TNFRSF8: variants seen among roughly 807,000 people sequenced by gnomAD.
The protein encoded by TNFRSF8 is tumor necrosis factor receptor superfamily member 8.
A neutral mutation model predicts 70.8 loss-of-function variants in TNFRSF8; 26 were observed. That is an observed-to-expected ratio of 0.37 (90% CI 0.27 to 0.51). The LOEUF is 0.51. TNFRSF8 is among the 20% of genes least tolerant of loss of function. TNFRSF8 has a pLI of 0.94. For synonymous variants in TNFRSF8, 356 were observed against 339.2 expected (o/e 1.05, Z -0.54); for missense variants, 720 against 807.9 (o/e 0.89, Z 1.32).
chr1:12,097,578 C>T (rs1570021234), intron 3 of TNFRSF8, among the ~76,000 whole-genome samples: 1 of 152,232 alleles, frequency 6.6e-6, no homozygotes, highest in South Asian at 2.1e-4. Context: ...TGGTAAGTGG[C>T]AGAACTGGAG....
In TNFRSF8 at chr1:12,138,342, G is replaced by A; in HGVS notation, c.1449G>A (p.Leu483=). Residue 483 remains leucine, a synonymous_variant, in exon 14 of 15, where the codon CTG becomes CTA. Coordinates refer to ENST00000263932, the MANE Select transcript of TNFRSF8 (RefSeq NM_001243.5). The surrounding 1 kb of genome is among the most constrained non-coding windows in gnomAD (Gnocchi z 5.7). ...HSVGAAYLES[L]PLQDASPAGG... is the part of the protein sequence containing the mutation. ...TGGGGGCAGCCTACCTGGAGAGCCT[G>A]CCGCTGCAGGATGCCAGCCCGGCCG... The A allele has an allele frequency of 6.2e-7, 1 of 1,613,810 alleles. No individual in the cohort carries two copies. Among genetic ancestry groups the A allele is most frequent in the Non-Finnish European group, 8.5e-7 (1 of 1,179,960 alleles).
intron 14 of TNFRSF8, among the ~76,000 whole-genome samples, chr1:12,139,650 G>A (rs1408079911): frequency 6.6e-6 from 1 of 152,194 alleles, no homozygotes; most frequent in Non-Finnish European, 1.5e-5. Context: ...ACTGGCACTG[G>A]GATAATACTG....
At chr1:12,118,763 C>T (rs1641778806) in intron 8 of TNFRSF8, among the ~76,000 whole-genome samples, 1 of 152,242 alleles carries the variant, frequency 6.6e-6, no homozygotes, top group Non-Finnish European at 1.5e-5. Flanking sequence ...CCTTTCTCCT[C>T]TGTAGGGAGC....
chr1:12,074,647 A>G (rs1640905988), intron 1 of TNFRSF8, among the ~76,000 whole-genome samples: 2 of 152,184 alleles, frequency 1.3e-5, no homozygotes, highest in Admixed American at 1.3e-4. Flanking sequence ...AGTTTGAGAA[A>G]CATTGCAGAG....
intron 12 of TNFRSF8, 70 bp downstream of exon 12, chr1:12,126,306 T>C: frequency 7.0e-6 from 11 of 1,579,078 alleles, no homozygotes; most frequent in Non-Finnish European, 9.6e-6. Flanking sequence ...GCCCGGGGCG[T>C]GGGCTCCAGA....
intron 1 of TNFRSF8, among the ~76,000 whole-genome samples, chr1:12,068,779 A>T (rs1335285650): frequency 1.3e-5 from 2 of 151,880 alleles, no homozygotes; most frequent in Admixed American, 6.5e-5. Flanking sequence ...CCGTGACAGG[A>T]TGCTTGCTCC....
At chr1:12,079,784 A>G (rs771217871) in intron 1 of TNFRSF8, among the ~76,000 whole-genome samples, 5 of 152,130 alleles carry the variant, frequency 3.3e-5, no homozygotes, top group South Asian at 2.1e-4. Flanking sequence ...GTGGCAAGCT[A>G]TGGATTTACC....
intron 12 of TNFRSF8, among the ~76,000 whole-genome samples, chr1:12,135,015 C>G (rs959164119): frequency 6.6e-6 from 1 of 151,988 alleles, no homozygotes; most frequent in South Asian, 2.1e-4. Context: ...TTGGTTTAGT[C>G]ATTAGGAATG....
chr1:12,126,394 G>A (rs1641941593), intron 12 of TNFRSF8, among the ~76,000 whole-genome samples, 158 bp downstream of exon 12: 1 of 152,226 alleles, frequency 6.6e-6, no homozygotes, highest in South Asian at 2.1e-4. Context: ...GGGATGCAAT[G>A]TGGGTGAAAA....
chr1:12,127,878 C>A (rs1641969958), intron 12 of TNFRSF8, among the ~76,000 whole-genome samples: 1 of 152,204 alleles, frequency 6.6e-6, no homozygotes, highest in Non-Finnish European at 1.5e-5. Flanking sequence ...ACACCTTCCC[C>A]TAAGAAGCCA....
chr1:12,132,752 C>A (rs200160516), intron 12 of TNFRSF8, among the ~76,000 whole-genome samples: 1 of 147,342 alleles, frequency 6.8e-6, no homozygotes, highest in Non-Finnish European at 1.5e-5. Flanking sequence ...GCAGGAGGAT[C>A]GCTTAAACCC....
intron 1 of TNFRSF8, among the ~76,000 whole-genome samples, chr1:12,079,257 A>C (rs2100959343): frequency 6.6e-6 from 1 of 152,190 alleles, no homozygotes; most frequent in South Asian, 2.1e-4. Context: ...GTTTTAGGCC[A>C]CCCTCTCTTT....
chr1:12,103,354 T>TA (rs201852756), intron 3 of TNFRSF8, among the ~76,000 whole-genome samples: 102 of 146,296 alleles, frequency 7.0e-4, no homozygotes, highest in African/African-American at 8.5e-4. Context: ...GACTCTGTCT[T>TA]AAAAAAAAAA....
intron 2 of TNFRSF8, among the ~76,000 whole-genome samples, chr1:12,096,278 C>T (rs937663366): frequency 1.3e-5 from 2 of 152,028 alleles, no homozygotes; most frequent in Admixed American, 6.6e-5. Context: ...TTGTTTATCT[C>T]GAAATCAGGC....
chr1:12,137,900 C>T (rs943613517), intron 13 of TNFRSF8, among the ~76,000 whole-genome samples: 1 of 152,122 alleles, frequency 6.6e-6, no homozygotes, highest in African/African-American at 2.4e-5. Context: ...GCCTCAGTTT[C>T]CTCATCTGTA....
At chr1:12,094,122 C>T (rs1472815972) in intron 2 of TNFRSF8, among the ~76,000 whole-genome samples, 1 of 150,024 alleles carries the variant, frequency 6.7e-6, no homozygotes, top group Non-Finnish European at 1.5e-5. Context: ...GGATTATAGG[C>T]GTGAGCCACC....
In TNFRSF8 at chr1:12,119,052, A is replaced by G. The variant is rs1327795155; in HGVS notation, c.946+3323A>G. On this transcript the variant is annotated intron_variant, in intron 8 of 14. Transcript: ENST00000263932. The surrounding 1 kb of genome is among the most constrained non-coding windows in gnomAD (Gnocchi z 4.4). Reference sequence around the variant, plus strand: ...GCTAATTTTTGTATTTTTAGTAGAGACAGGGTTTCACCATGATGGTCAGGC... The same window carrying G: ...GCTAATTTTTGTATTTTTAGTAGAGGCAGGGTTTCACCATGATGGTCAGGC... 6.6e-6 allele frequency among the ~76,000 whole-genome samples: 1 copy of G among 152,028 alleles called. No individual in the cohort carries two copies. Among genetic ancestry groups the G allele is most frequent in the Non-Finnish European group, 1.5e-5 (1 of 67,990 alleles).
chr1:12,084,285 G>A (rs1259978367), intron 1 of TNFRSF8, among the ~76,000 whole-genome samples, 179 bp from the exon 2 acceptor site: 2 of 152,152 alleles, frequency 1.3e-5, no homozygotes, highest in Non-Finnish European at 2.9e-5. Flanking sequence ...TTTCTGGCCT[G>A]AGCTGGAGTA....
chr1:12,111,243 G>C (rs1183691719), intron 6 of TNFRSF8, among the ~76,000 whole-genome samples: 1 of 151,884 alleles, frequency 6.6e-6, no homozygotes, highest in Non-Finnish European at 1.5e-5. Context: ...GTGCAGTGGC[G>C]TGATCTCGGC....
Sources: allele counts gnomAD v4.1 joint callset (sites outside exome capture counted in the v4.1 genomes callset), GRCh38; gene constraint gnomAD v4.1.1; non-coding constraint Gnocchi (gnomAD v3.1); transcripts MANE v1.5; gene names NCBI Gene and HGNC (gene_info 2026-07-23, HGNC 2026-07-21).